NAALADL2: variants seen among roughly 807,000 people sequenced by gnomAD.
The protein encoded by NAALADL2 is inactive N-acetylated-alpha-linked acidic dipeptidase-like protein 2.
A neutral mutation model predicts 87.2 loss-of-function variants in NAALADL2; 76 were observed. The ratio of observed to expected loss-of-function variants is 0.87; its 90% CI spans 0.72 to 1.05. The LOEUF (loss-of-function observed/expected upper bound fraction) is 1.05, where lower values mean the gene tolerates loss of function less well. Ranked by LOEUF, NAALADL2 falls within the 50% of genes least tolerant of loss-of-function variation. NAALADL2 has a pLI of 0.00. For missense variants in NAALADL2, 1,089 were observed against 945.8 expected (o/e 1.15, Z -1.99); for synonymous variants, 354 against 331.0 (o/e 1.07, Z -0.75).
intron 1 of NAALADL2, among the ~76,000 whole-genome samples, chr3:174,895,482 GA>G (rs1731400867): frequency 1.3e-5 from 2 of 151,976 alleles, no homozygotes; most frequent in African/African-American, 4.8e-5. Context: ...GAACTGGGAA[GA>G]AATCCCAAAC....
At chr3:175,460,873 G>C (rs756479122) in intron 6 of NAALADL2, among the ~76,000 whole-genome samples, 1 of 151,998 alleles carries the variant, frequency 6.6e-6, no homozygotes, top group East Asian at 1.9e-4. Flanking sequence ...ATTGTAAAGA[G>C]CAAAAGAATA....
intron 1 of NAALADL2, among the ~76,000 whole-genome samples, chr3:174,994,887 C>G (rs541035455): frequency 2.4e-4 from 37 of 152,236 alleles, no homozygotes; most frequent in Admixed American, 1.6e-3. Flanking sequence ...GTCAACTGCT[C>G]TCTTCAGAGT....
At chr3:174,544,169 A>G (rs1722514388) in intron 1 of NAALADL2, among the ~76,000 whole-genome samples, 1 of 152,140 alleles carries the variant, frequency 6.6e-6, no homozygotes, top group Non-Finnish European at 1.5e-5. Context: ...TGATAGCTCT[A>G]TGCTTATAAA....
intron 3 of NAALADL2, among the ~76,000 whole-genome samples, chr3:174,809,959 CT>C (rs772159078): frequency 1.3e-5 from 2 of 152,084 alleles, no homozygotes; most frequent in African/African-American, 2.4e-5. Flanking sequence ...CACCTCCCCC[CT>C]CTCTTGGTCC....
At chr3:174,920,803 A>G (rs1735069221) in intron 1 of NAALADL2, among the ~76,000 whole-genome samples, 1 of 152,184 alleles carries the variant, frequency 6.6e-6, no homozygotes, top group Non-Finnish European at 1.5e-5. Flanking sequence ...TTTAAAAGTA[A>G]GATATATGTT....
intron 1 of NAALADL2, among the ~76,000 whole-genome samples, chr3:174,912,115 TA>T (rs543780661): frequency 6.5e-4 from 99 of 152,156 alleles, no homozygotes; most frequent in African/African-American, 2.3e-3. Flanking sequence ...ACAATTTCTT[TA>T]TACCTATATT....
intron 2 of NAALADL2, among the ~76,000 whole-genome samples, chr3:174,677,891 A>G (rs1368247961): frequency 1.3e-5 from 2 of 152,014 alleles, no homozygotes; most frequent in Admixed American, 1.3e-4. Flanking sequence ...AAAAAAAAAA[A>G]GAAAAATGCA....
chr3:175,641,395 T>A (rs757597161), intron 11 of NAALADL2, among the ~76,000 whole-genome samples: 1 of 152,212 alleles, frequency 6.6e-6, no homozygotes, highest in Non-Finnish European at 1.5e-5. Flanking sequence ...AGTATGTTTA[T>A]GTCTTGCTTC....
rs371743072 is a variant in NAALADL2 at position 174,986,924 on chromosome 3, C to G, written c.44-109866C>G. ...GGATGATTCATACATTTTGTGCTTT[C>G]TGATGATAGGAGTTGGCAGTTTTTT... On this transcript the variant is annotated intron_variant, in intron 1 of 13. Transcript: ENST00000454872. Among the ~76,000 whole-genome samples, 7 of 152,096 alleles carry G rather than the reference C, an allele frequency of 4.6e-5. No individual in the cohort carries two copies. The East Asian group carries it at 9.7e-4, about 21-fold the overall frequency.
intron 1 of NAALADL2, among the ~76,000 whole-genome samples, chr3:175,039,181 T>A (rs1753761091): frequency 6.6e-6 from 1 of 152,214 alleles, no homozygotes; most frequent in Non-Finnish European, 1.5e-5. Context: ...GTTTTTTGTT[T>A]CTGAGATGGA....
At chr3:175,404,184 G>C (rs1309458800) in intron 5 of NAALADL2, among the ~76,000 whole-genome samples, 4 of 152,012 alleles carry the variant, frequency 2.6e-5, no homozygotes, top group Non-Finnish European at 4.4e-5. Context: ...ACAATGTAGT[G>C]GAAACAGCAA....
intron 9 of NAALADL2, among the ~76,000 whole-genome samples, chr3:175,501,624 T>C (rs1468437634): frequency 6.6e-6 from 1 of 152,032 alleles, no homozygotes. Flanking sequence ...CCTTAGTGAT[T>C]GAAGGTCTGA....
chr3:175,304,335 C>A (rs893273863), intron 4 of NAALADL2, among the ~76,000 whole-genome samples: 4 of 152,136 alleles, frequency 2.6e-5, no homozygotes, highest in African/African-American at 7.2e-5. Flanking sequence ...ACCCTTCTTT[C>A]TTTTCCATTA....
intron 11 of NAALADL2, among the ~76,000 whole-genome samples, chr3:175,643,785 C>A (rs994836799): frequency 3.3e-5 from 5 of 152,110 alleles, no homozygotes; most frequent in African/African-American, 1.2e-4. Flanking sequence ...CAAACAGTGA[C>A]GTTATTTATC....
At chr3:174,666,245 C>T (rs1725944853) in intron 2 of NAALADL2, among the ~76,000 whole-genome samples, 1 of 152,124 alleles carries the variant, frequency 6.6e-6, no homozygotes, top group Non-Finnish European at 1.5e-5. Flanking sequence ...TTAATATTCT[C>T]ATTGAGCTAG....
At chr3:174,903,188 G>A (rs1011655992) in intron 1 of NAALADL2, among the ~76,000 whole-genome samples, 17 of 152,130 alleles carry the variant, frequency 1.1e-4, no homozygotes, top group African/African-American at 3.6e-4. Context: ...GAAGAGTTGA[G>A]CTAAGATCTT....
intron 1 of NAALADL2, among the ~76,000 whole-genome samples, chr3:174,521,844 A>T (rs568121798): frequency 5.9e-5 from 9 of 152,236 alleles, no homozygotes; most frequent in African/African-American, 2.2e-4. Flanking sequence ...ATTGTTTATT[A>T]TTTGGGTGAT....
At chr3:174,584,951 A>G (rs898387758) in intron 2 of NAALADL2, among the ~76,000 whole-genome samples, 2 of 152,102 alleles carry the variant, frequency 1.3e-5, no homozygotes, top group Non-Finnish European at 2.9e-5. Context: ...TCTTTTATAA[A>G]TCTAATATTT....
At chr3:174,452,794 T>C (rs937077468) in intron 1 of NAALADL2, among the ~76,000 whole-genome samples, 37 of 151,390 alleles carry the variant, frequency 2.4e-4, no homozygotes, top group African/African-American at 8.7e-4. Context: ...GGACAGCAAC[T>C]TTAAAAATCG....
Sources: allele counts gnomAD v4.1 joint callset (sites outside exome capture counted in the v4.1 genomes callset), GRCh38; gene constraint gnomAD v4.1.1; transcripts MANE v1.5; gene names NCBI Gene and HGNC (gene_info 2026-07-23, HGNC 2026-07-21).